The following WDR27 variants were observed in gnomAD, a reference collection of about 807,000 sequenced individuals.
WDR27 encodes WD repeat-containing protein 27.
WDR27 carries 100 observed loss-of-function variants against 114.4 expected under a neutral mutation model. The ratio of observed to expected loss-of-function variants is 0.87; its 90% CI spans 0.74 to 1.03. The LOEUF is 1.03. WDR27 is among the 50% of genes least tolerant of loss of function. WDR27 has a pLI of 0.00. For synonymous variants in WDR27, 449 were observed against 423.1 expected (o/e 1.06, Z -0.75); for missense variants, 1,129 against 1,092.9 (o/e 1.03, Z -0.47).
chr6:169,537,877 T>A (rs1316621146), intron 25 of WDR27, among the ~76,000 whole-genome samples: 2 of 152,148 alleles, frequency 1.3e-5, no homozygotes, highest in Non-Finnish European at 2.9e-5. Flanking sequence ...ATTAAAGTAA[T>A]GACCAGGAGT....
intron 13 of WDR27, among the ~76,000 whole-genome samples, chr6:169,656,981 C>T (rs567474507): frequency 1.6e-4 from 25 of 152,296 alleles, no homozygotes; most frequent in African/African-American, 5.5e-4. Flanking sequence ...CCTTCATTCT[C>T]ACAATTTCTC....
intron 21 of WDR27, among the ~76,000 whole-genome samples, chr6:169,626,807 T>C (rs925723130): frequency 1.3e-5 from 2 of 152,212 alleles, no homozygotes; most frequent in African/African-American, 2.4e-5. Flanking sequence ...CGAGAGGCCA[T>C]GCGTTCATCC....
intron 8 of WDR27, chr6:169,663,487 T>C (rs945787962): frequency 2.6e-5 from 4 of 152,248 alleles, no homozygotes; most frequent in Admixed American, 2.0e-4. Context: ...GGCCCCTGGA[T>C]TGAAAAGTAA....
intron 25 of WDR27, among the ~76,000 whole-genome samples, chr6:169,535,709 C>T (rs1796124738): frequency 6.6e-6 from 1 of 152,168 alleles, no homozygotes; most frequent in South Asian, 2.1e-4. Context: ...CTTAGGAAAG[C>T]TCCACTTTCA....
chr6:169,524,595 T>G (rs1431578368), intron 25 of WDR27, among the ~76,000 whole-genome samples: 1 of 152,050 alleles, frequency 6.6e-6, no homozygotes, highest in Admixed American at 6.6e-5. Flanking sequence ...CATAGAGCAA[T>G]GAAACAGAAT....
At chr6:169,455,755 T>C (rs904839915), downstream of WDR27, among the ~76,000 whole-genome samples, 3 of 152,254 alleles carry the variant, frequency 2.0e-5, no homozygotes, top group African/African-American at 7.2e-5. Context: ...AAAGTCTTCA[T>C]GGGCAGAGGA....
chr6:169,607,240 T>C (rs1171624365), intron 22 of WDR27, among the ~76,000 whole-genome samples: 1 of 152,102 alleles, frequency 6.6e-6, no homozygotes, highest in Non-Finnish European at 1.5e-5. Flanking sequence ...CTGCTGGGTA[T>C]CTACCAAAAG....
chr6:169,480,515 G>A (rs1787857804), intron 25 of WDR27, among the ~76,000 whole-genome samples: 1 of 152,242 alleles, frequency 6.6e-6, no homozygotes, highest in Non-Finnish European at 1.5e-5. Flanking sequence ...TGAGTCGGGT[G>A]GGGTCTTGGA....
intron 3 of WDR27, chr6:169,671,673 C>A: frequency 6.5e-6 from 1 of 152,860 alleles, no homozygotes. Flanking sequence ...CACCCTCACC[C>A]TCAGCGCACA....
chr6:169,606,443 A>G (rs1255388804), intron 22 of WDR27, among the ~76,000 whole-genome samples: 1 of 152,130 alleles, frequency 6.6e-6, no homozygotes, highest in African/African-American at 2.4e-5. Context: ...AGCATCAGGT[A>G]TTTATCCTGA....
chr6:169,453,270 C>A (rs1784229400), downstream of WDR27, among the ~76,000 whole-genome samples: 1 of 152,148 alleles, frequency 6.6e-6, no homozygotes, highest in South Asian at 2.1e-4. Flanking sequence ...CTCCCCAGAG[C>A]ATACATGTGG....
At chr6:169,469,855 C>G (rs1786113817) in intron 25 of WDR27, among the ~76,000 whole-genome samples, 1 of 152,182 alleles carries the variant, frequency 6.6e-6, no homozygotes, top group Non-Finnish European at 1.5e-5. Flanking sequence ...TGATTAAGTC[C>G]ATGAGTTACA....
In WDR27 at chr6:169,659,273, C is replaced by T. The variant is rs891652738; in HGVS notation, c.1198-66G>A. 1.0e-5 allele frequency: 16 copies of T among 1,557,760 alleles called. No homozygotes were observed. In the Admixed American group the frequency reaches 1.3e-4, roughly 13 times the overall value. Reference sequence around the variant, plus strand: ...AGTAAAAGCAGACGAAACGTGCATCCGCACACGTATCCTAACAGCTGCTTC... The same window carrying T: ...AGTAAAAGCAGACGAAACGTGCATCTGCACACGTATCCTAACAGCTGCTTC... On this transcript the variant is annotated intron_variant, in intron 11 of 25. Transcript: ENST00000448612. This position sits in a 1 kb window ranked among gnomAD's most constrained non-coding sequence, Gnocchi z 4.3.
In WDR27 at chr6:169,684,879, C is replaced by A. The variant is rs962631554; in HGVS notation, c.189+3938G>T. On this transcript the variant is annotated intron_variant, in intron 2 of 25. Transcript: ENST00000448612. This position sits in a 1 kb window ranked among gnomAD's most constrained non-coding sequence, Gnocchi z 4.3. The stretch of plus-strand genomic sequence containing the variant: ...AGCAACCATGTGCCCATGCTCCTGG[C>A]CACAATAACATCCCTGTGGCCCCAA... Among the ~76,000 whole-genome samples, 4 of 152,194 alleles carry A rather than the reference C, an allele frequency of 2.6e-5. No individual in the cohort carries two copies. The highest frequency in any genetic ancestry group is 4.4e-5 in the Non-Finnish European group (3 of 68,034).
At chr6:169,427,965 G>A in the WDR27 span, among the ~76,000 whole-genome samples, 1 of 152,126 alleles carries the variant, frequency 6.6e-6, no homozygotes, top group Non-Finnish European at 1.5e-5. Flanking sequence ...CAGCGGGAGG[G>A]GAGGAGGCGA....
At chr6:169,490,162 G>A (rs557363770) in intron 25 of WDR27, among the ~76,000 whole-genome samples, 2 of 152,344 alleles carry the variant, frequency 1.3e-5, no homozygotes, top group South Asian at 4.1e-4. Context: ...TAAGCCAGGT[G>A]TCCTGGCAAG....
intron 25 of WDR27, among the ~76,000 whole-genome samples, chr6:169,561,201 C>G (rs1220129028): frequency 6.6e-6 from 1 of 152,046 alleles, no homozygotes; most frequent in East Asian, 1.9e-4. Flanking sequence ...ACAGTGCCTT[C>G]TCACTGCCCC....
rs115206781 is a variant in WDR27 at position 169,470,472 on chromosome 6, A to G, written c.2646-12838T>C. On this transcript the variant is annotated intron_variant, in intron 25 of 25. Transcript: ENST00000448612. ...TTAGTTCAAGCTGCTGTAACAAAAT[A>G]CCATATACTACATGGCTTGAAAAAT... Among the ~76,000 whole-genome samples, 247 of 152,378 alleles carry G rather than the reference A, an allele frequency of 1.6e-3. 3 individuals carry two copies. The highest frequency in any genetic ancestry group is 5.8e-3 in the African/African-American group (240 of 41,586).
At chr6:169,615,012 A>T (rs1399782032) in intron 21 of WDR27, among the ~76,000 whole-genome samples, 1 of 152,220 alleles carries the variant, frequency 6.6e-6, no homozygotes, top group East Asian at 1.9e-4. Flanking sequence ...GTAAACTTTT[A>T]AAAAATGTGT....
Sources: allele counts gnomAD v4.1 joint callset (sites outside exome capture counted in the v4.1 genomes callset), GRCh38; gene constraint gnomAD v4.1.1; non-coding constraint Gnocchi (gnomAD v3.1); transcripts MANE v1.5; gene names NCBI Gene and HGNC (gene_info 2026-07-23, HGNC 2026-07-21).